The following AAMDC variants were observed in gnomAD, a reference collection of about 807,000 sequenced individuals.
AAMDC encodes the protein mth938 domain-containing protein.
In AAMDC, 16 loss-of-function variants were observed where a neutral mutation model predicts 15.5. The ratio of observed to expected loss-of-function variants is 1.03; its 90% CI spans 0.70 to 1.57. The LOEUF (loss-of-function observed/expected upper bound fraction) is 1.57, where lower values mean the gene tolerates loss of function less well. Among genes scored for constraint, AAMDC ranks in the 40% most tolerant of loss-of-function variants. The probability of loss-of-function intolerance (pLI) is 0.00; values close to 1 mark genes in which losing one functional copy is unlikely to be tolerated. For missense variants in AAMDC, 141 were observed against 144.9 expected (o/e 0.97, Z 0.14); for synonymous variants, 51 against 51.6 (o/e 0.99, Z 0.05).
At chr11:77,891,380 G>A (rs565732679) in intron 5 of AAMDC, 59 of 1,612,012 alleles carry the variant, frequency 3.7e-5, no homozygotes, top group Non-Finnish European at 4.7e-5. Flanking sequence ...AACATCCAGG[G>A]CAACCACCAA....
chr11:77,845,449 G>C (rs1397346925), intron 2 of AAMDC, among the ~76,000 whole-genome samples: 6 of 151,442 alleles, frequency 4.0e-5, no homozygotes, highest in Admixed American at 2.0e-4. Flanking sequence ...TTTGGTGGGG[G>C]GGATAGACTA....
chr11:77,857,358 CAT>C (rs1950663810), intron 2 of AAMDC, among the ~76,000 whole-genome samples: 1 of 152,124 alleles, frequency 6.6e-6, no homozygotes, highest in African/African-American at 2.4e-5. Context: ...GCAGGAAAAA[CAT>C]ATGTCTAGAT....
intron 1 of AAMDC, among the ~76,000 whole-genome samples, chr11:77,830,610 CTT>C (rs1010663608): frequency 3.9e-5 from 6 of 151,934 alleles, no homozygotes; most frequent in African/African-American, 1.4e-4. Flanking sequence ...TCTTTTGTCT[CTT>C]GTCTTTTATT....
At chr11:77,895,162 G>T (rs1264707548) in intron 5 of AAMDC, among the ~76,000 whole-genome samples, 1 of 152,012 alleles carries the variant, frequency 6.6e-6, no homozygotes, top group Non-Finnish European at 1.5e-5. Context: ...CAGGCAACAT[G>T]CTAGGTCAGT....
downstream of AAMDC, among the ~76,000 whole-genome samples, chr11:77,904,136 A>G (rs536781669): frequency 6.5e-4 from 99 of 151,926 alleles, 1 homozygote; most frequent in Non-Finnish European, 5.8e-4. Flanking sequence ...AACCACCACT[A>G]AGAGCCATGA....
At chr11:77,878,645 A>C in intron 5 of AAMDC, 1 of 626,220 alleles carries the variant, frequency 1.6e-6, no homozygotes, top group Non-Finnish European at 2.8e-6. Context: ...CCTGAGGAAT[A>C]GCATGTAAGC....
chr11:77,842,698 T>G, intron 2 of AAMDC, 70 bp downstream of exon 2: 5 of 1,576,638 alleles, frequency 3.2e-6, no homozygotes. Flanking sequence ...TAAGCTGCAA[T>G]GACTAAGTGA....
intron 1 of AAMDC, among the ~76,000 whole-genome samples, chr11:77,823,694 A>G (rs1305098405): frequency 6.6e-6 from 1 of 152,032 alleles, no homozygotes; most frequent in African/African-American, 2.4e-5. Flanking sequence ...GGAAACATAC[A>G]AAGACTTTCA....
At chr11:77,865,358 T>A (rs1951064472) in intron 2 of AAMDC, among the ~76,000 whole-genome samples, 1 of 152,190 alleles carries the variant, frequency 6.6e-6, no homozygotes, top group South Asian at 2.1e-4. Context: ...ACAATTTCAT[T>A]TAGGGGCCTA....
At chr11:77,833,990 C>T (rs574794786) in intron 1 of AAMDC, among the ~76,000 whole-genome samples, 1 of 152,234 alleles carries the variant, frequency 6.6e-6, no homozygotes, top group South Asian at 2.1e-4. Context: ...CAAATTCAAA[C>T]TGTAGATGAA....
downstream of AAMDC, among the ~76,000 whole-genome samples, chr11:77,873,342 A>G (rs1457948396): frequency 6.6e-6 from 1 of 152,256 alleles, no homozygotes; most frequent in Non-Finnish European, 1.5e-5. Flanking sequence ...TAAGGACTCA[A>G]TACATTAAAC....
intron 2 of AAMDC, among the ~76,000 whole-genome samples, chr11:77,859,037 G>A (rs1419398306): frequency 6.6e-6 from 1 of 152,204 alleles, no homozygotes; most frequent in African/African-American, 2.4e-5. Context: ...TCTGATGGGT[G>A]TTATCAATGC....
intron 2 of AAMDC, among the ~76,000 whole-genome samples, chr11:77,863,415 A>C (rs908530458): frequency 6.6e-6 from 1 of 152,176 alleles, no homozygotes; most frequent in Non-Finnish European, 1.5e-5. Context: ...AGAAGAGTGC[A>C]GTTGCAAGAT....
intron 2 of AAMDC, chr11:77,851,482 T>C (rs1045584186): frequency 3.9e-5 from 6 of 152,248 alleles, no homozygotes; most frequent in African/African-American, 9.6e-5. Flanking sequence ...AAGCTGGTTG[T>C]TGTGGAAGGC....
chr11:77,901,859 C>T (rs1952787921), downstream of AAMDC, among the ~76,000 whole-genome samples: 2 of 151,548 alleles, frequency 1.3e-5, no homozygotes, highest in South Asian at 4.2e-4. Context: ...TAAATGAAGC[C>T]CACTCTGCTG....
At chr11:77,840,050 G>T (rs12417760) in intron 1 of AAMDC, among the ~76,000 whole-genome samples, 3 of 151,762 alleles carry the variant, frequency 2.0e-5, no homozygotes, top group Admixed American at 6.6e-5. Context: ...AGGGTTGATA[G>T]CATGTTATCA....
chr11:77,896,045 A>G (rs1393064203), intron 5 of AAMDC, among the ~76,000 whole-genome samples: 2 of 152,228 alleles, frequency 1.3e-5, no homozygotes, highest in Non-Finnish European at 2.9e-5. Context: ...GGAGCTGTAA[A>G]GGAGACCAAG....
chr11:77,879,133 A>G, intron 5 of AAMDC: 3 of 1,613,932 alleles, frequency 1.9e-6, no homozygotes, highest in Non-Finnish European at 1.7e-6. Context: ...TGCCTCTGAA[A>G]AAAAGATAAA....
chr11:77,869,701 A>G (rs1951321640), intron 2 of AAMDC, 21 bp from the exon 3 acceptor site: 1 of 1,608,950 alleles, frequency 6.2e-7, no homozygotes, highest in African/African-American at 1.3e-5. Context: ...GTACCTGTCT[A>G]CTTTCTCTTT....
Sources: allele counts gnomAD v4.1 joint callset (sites outside exome capture counted in the v4.1 genomes callset), GRCh38; gene constraint gnomAD v4.1.1; transcripts MANE v1.5; gene names NCBI Gene and HGNC (gene_info 2026-07-23, HGNC 2026-07-21).